Variants in DNAJA4 observed in about 807,000 individuals in gnomAD.
DNAJA4 encodes the protein DnaJ heat shock protein family (Hsp40) member A4, also known as dnaJ homolog subfamily A member 4.
Under a neutral mutation model 39.7 loss-of-function variants are expected in DNAJA4, and 32 were observed. That is an observed-to-expected ratio of 0.81 (90% CI 0.61 to 1.08). DNAJA4 has a LOEUF of 1.08. Ranked by LOEUF, DNAJA4 falls within the 50% of genes least tolerant of loss-of-function variation. The pLI is 0.00. For synonymous variants in DNAJA4, 184 were observed against 182.4 expected (o/e 1.01, Z -0.07); for missense variants, 439 against 505.1 (o/e 0.87, Z 1.25).
Position 78,270,525 on chromosome 15 carries a change from T to G in DNAJA4, c.161T>G (p.Val54Gly), listed in dbSNP as rs61752771. 1 of 1,614,090 alleles carries G rather than the reference T, an allele frequency of 6.2e-7. No homozygotes were observed. Among genetic ancestry groups the G allele is most frequent in the Non-Finnish European group, 8.5e-7 (1 of 1,179,998 alleles). ...AAACTCATATCCCAGGCATATGAAG[T>G]GCTTTCAGATCCAAAGAAAAGGGAT... is the stretch of plus-strand genomic sequence containing the variant. ...KFKLISQAYE[V>G]LSDPKKRDVY... The change falls in exon 2 of 7, where the codon GTG (valine) becomes GGG (glycine). Residue 54 changes from valine to glycine, a missense_variant. Coordinates refer to ENST00000394852, the MANE Select transcript of DNAJA4 (RefSeq NM_001130182.2).
chr15:78,272,376 G>A (rs1037573467), intron 2 of DNAJA4, among the ~76,000 whole-genome samples: 1 of 152,118 alleles, frequency 6.6e-6, no homozygotes, highest in Non-Finnish European at 1.5e-5. Context: ...GTATTCTCTT[G>A]TCCAGCTCCC....
chr15:78,278,168 ACCTGCCGGGAGAG>A (rs1331161594), intron 5 of DNAJA4: 1 of 455,872 alleles, frequency 2.2e-6, no homozygotes, highest in Non-Finnish European at 4.4e-6. Context: ...GCAGGTATTT[ACCTGCCGGGAGAG>A]CCTAACTCGT....
chr15:78,275,534 AAGG>A lies in DNAJA4; in HGVS notation c.686_688del (p.Gly229del). The A allele has an allele frequency of 1.5e-5, 24 of 1,614,164 alleles. No homozygotes were observed. The highest frequency in any genetic ancestry group is 2.0e-5 in the Non-Finnish European group (24 of 1,179,998). On this transcript the variant is annotated inframe_deletion, in exon 5 of 7. Coordinates refer to ENST00000394852, the MANE Select transcript of DNAJA4 (RefSeq NM_001130182.2). ...GGGCAAAAGATACTATTTCATGGAG[AAGG>A]AGATCAGGAGCCTGAGCTGGAGCCT...
At chr15:78,267,160 A>ATGAGTG (rs2049151364) in intron 1 of DNAJA4, among the ~76,000 whole-genome samples, 1 of 131,162 alleles carries the variant, frequency 7.6e-6, no homozygotes, top group Non-Finnish European at 1.6e-5. Context: ...GTGAGTGTGT[A>ATGAGTG]TGTGAGTGTG....
Position 78,274,359 on chromosome 15 carries a change from G to T in DNAJA4, c.581G>T (p.Cys194Phe). The T allele has an allele frequency of 6.2e-7, 1 of 1,614,236 alleles. No homozygotes were observed. Among genetic ancestry groups the T allele is most frequent in the Middle Eastern group, 1.6e-4 (1 of 6,062 alleles). ...GAGCGCATCAACCCCAAGGACCGCT[G>T]CGAGAGCTGCAGCGGGGCCAAGGTG... ...QGERINPKDR[C>F]ESCSGAKVIR... is the part of the protein sequence containing the mutation. The change falls in exon 4 of 7, where the codon TGC becomes TTC. Residue 194 changes from cysteine to phenylalanine, a missense_variant. Transcript: ENST00000394852.
chr15:78,267,018 G>T (rs565223918), intron 1 of DNAJA4, among the ~76,000 whole-genome samples: 24 of 152,270 alleles, frequency 1.6e-4, no homozygotes, highest in African/African-American at 5.1e-4. Flanking sequence ...TATAGAAACG[G>T]CTGTAGAGTT....
intron 2 of DNAJA4, among the ~76,000 whole-genome samples, chr15:78,271,019 C>T (rs1474182634): frequency 6.6e-6 from 1 of 151,932 alleles, no homozygotes; most frequent in Non-Finnish European, 1.5e-5. Context: ...AGTGAGCTCT[C>T]CAGCCTGCAC....
At chr15:78,278,620 GT>G (rs1415666304) in intron 5 of DNAJA4, among the ~76,000 whole-genome samples, 1 of 152,126 alleles carries the variant, frequency 6.6e-6, no homozygotes, top group African/African-American at 2.4e-5. Flanking sequence ...CATAAATGTT[GT>G]TGACTGAAAG....
intron 1 of DNAJA4, chr15:78,270,007 C>A (rs1192697878): frequency 6.6e-6 from 1 of 152,606 alleles, no homozygotes; most frequent in African/African-American, 2.4e-5. Context: ...GGGGGAGGAT[C>A]AGGAGTATAG....
chr15:78,271,410 C>T (rs1231090292), intron 2 of DNAJA4, among the ~76,000 whole-genome samples: 1 of 152,098 alleles, frequency 6.6e-6, no homozygotes, highest in Admixed American at 6.5e-5. Context: ...CTGACCTGGG[C>T]GTGGGCTGCA....
intron 5 of DNAJA4, among the ~76,000 whole-genome samples, chr15:78,278,826 A>ATTTTTTTTTT (rs33990133): frequency 6.9e-5 from 6 of 87,482 alleles, no homozygotes; most frequent in Admixed American, 1.4e-4. Flanking sequence ...TAGTTTTTCT[A>ATTTTTTTTTT]TTTTTTTTTT....
At chr15:78,272,055 A>G (rs1163970691) in intron 2 of DNAJA4, among the ~76,000 whole-genome samples, 1 of 152,178 alleles carries the variant, frequency 6.6e-6, no homozygotes, top group Non-Finnish European at 1.5e-5. Context: ...GCCTGCTCCT[A>G]TAATTGATGG....
At chr15:78,265,778 G>A in intron 1 of DNAJA4, 7 of 658,510 alleles carry the variant, frequency 1.1e-5, no homozygotes, top group Non-Finnish European at 1.9e-5. Flanking sequence ...TGGTTGTTCC[G>A]CATGGGTCTT....
At chr15:78,275,247 A>C in intron 4 of DNAJA4, 1 of 499,296 alleles carries the variant, frequency 2.0e-6, no homozygotes, top group Non-Finnish European at 3.6e-6. Flanking sequence ...AGTGCTGTGT[A>C]AACCTGGGAT....
At chr15:78,265,435 A>G in intron 1 of DNAJA4, 3 of 701,136 alleles carry the variant, frequency 4.3e-6, no homozygotes, top group Admixed American at 2.0e-5. Context: ...TGCCTACCTG[A>G]TAAAAGCGTC....
Position 78,264,729 on chromosome 15 carries a change from T to A in DNAJA4, c.-35T>A. 1 of 1,397,720 alleles carries A rather than the reference T, an allele frequency of 7.2e-7. No homozygotes were observed. 86.6% of individuals were successfully genotyped at this position (1,397,720 alleles called of 1,614,324 possible). A position where few individuals can be genotyped will look rare whatever the true frequency, so the allele number is the denominator to read the frequency against. ...GCCGGCAGGGGCGTCCGGGGCGCTC[T>A]GACCGGCCTCGCCCGCCCCCCCCGC... On this transcript the variant is annotated 5_prime_UTR_variant, in exon 1 of 7. Transcript: ENST00000394852.
At chr15:78,268,357 G>A (rs1455353834) in intron 1 of DNAJA4, among the ~76,000 whole-genome samples, 1 of 152,132 alleles carries the variant, frequency 6.6e-6, no homozygotes, top group East Asian at 1.9e-4. Context: ...TCGCAGAAAT[G>A]GTATGAGAAT....
At chr15:78,280,190 C>T in intron 6 of DNAJA4, 45 bp downstream of exon 6, 1 of 1,610,564 alleles carries the variant, frequency 6.2e-7, no homozygotes, top group Non-Finnish European at 8.5e-7. Context: ...TATTAAATGC[C>T]TTAATTGGAA....
intron 5 of DNAJA4, among the ~76,000 whole-genome samples, chr15:78,276,655 G>GC (rs1173842626): frequency 2.0e-5 from 3 of 152,238 alleles, no homozygotes; most frequent in Non-Finnish European, 2.9e-5. Flanking sequence ...AGCAGCCTGG[G>GC]CCCCAGCACC....
Sources: allele counts gnomAD v4.1 joint callset (sites outside exome capture counted in the v4.1 genomes callset), GRCh38; gene constraint gnomAD v4.1.1; transcripts MANE v1.5; gene names NCBI Gene and HGNC (gene_info 2026-07-23, HGNC 2026-07-21).